The following DNAH10 variants were observed in gnomAD, a reference collection of about 807,000 sequenced individuals.
DNAH10 encodes axonemal beta dynein heavy chain 10.
A neutral mutation model predicts 506.6 loss-of-function variants in DNAH10; 348 were observed. The observed-to-expected ratio is 0.69, with a 90% CI of 0.63 to 0.75. The LOEUF is 0.75. DNAH10 is among the 30% of genes least tolerant of loss of function. The pLI is 0.00. For missense variants in DNAH10, 5,179 were observed against 5,787.1 expected (o/e 0.89, Z 3.41); for synonymous variants, 2,059 against 2,198.6 (o/e 0.94, Z 1.78).
rs373436458 is a variant in DNAH10 at position 123,799,385 on chromosome 12, G to A, written c.2289+14G>A. Reference sequence around the variant, plus strand: ...CTTTTGACCAAGGTGCGCTGCCCACGCCCTCATTCCCGATTGCCGCGTGAG... The same window carrying A: ...CTTTTGACCAAGGTGCGCTGCCCACACCCTCATTCCCGATTGCCGCGTGAG... On this transcript the variant is annotated intron_variant, in intron 14 of 78. Transcript: ENST00000673944. 117 of 1,606,578 alleles carry A rather than the reference G, an allele frequency of 7.3e-5. No homozygotes were observed. The African/African-American group carries it at 1.1e-3, about 15-fold the overall frequency.
chr12:123,786,184 G>A (rs894707335), intron 9 of DNAH10, among the ~76,000 whole-genome samples: 9 of 151,884 alleles, frequency 5.9e-5, no homozygotes, highest in Non-Finnish European at 1.0e-4. Flanking sequence ...AACCCCATGC[G>A]TGGTGGGCTG....
Position 123,774,259 on chromosome 12 carries a change from T to G in DNAH10, c.616T>G (p.Cys206Gly). The change falls in exon 5 of 79, where the codon TGT becomes GGT. Residue 206 changes from cysteine to glycine, a missense_variant. Transcript: ENST00000673944. ...NVLHFLKNII[C>G]QVFLPALSFN... Reference sequence around the variant, plus strand: ...GCTCCATTTTCTGAAGAATATTATATGTCAGGTAAACATGGAGAAAGGAAG... The same window carrying G: ...GCTCCATTTTCTGAAGAATATTATAGGTCAGGTAAACATGGAGAAAGGAAG... 1 of 1,586,508 alleles carries G rather than the reference T, an allele frequency of 6.3e-7. No homozygotes were observed. The highest frequency in any genetic ancestry group is 8.6e-7 in the Non-Finnish European group (1 of 1,166,668).
chr12:123,852,280 C>T (rs1362643090), intron 35 of DNAH10, among the ~76,000 whole-genome samples: 1 of 152,180 alleles, frequency 6.6e-6, no homozygotes, highest in African/African-American at 2.4e-5. Flanking sequence ...TAACTTTTAT[C>T]CTCTTTTAAG....
chr12:123,771,526 A>G lies in DNAH10; in HGVS notation c.299-75A>G, dbSNP rs1329387727. On this transcript the variant is annotated intron_variant, in intron 2 of 78. Transcript: ENST00000673944. ...TTGAATGAAATGTACTGGTGCACAA[A>G]ATGCAGGGCTGCTCTTGATGGTAGG... 28 of 1,240,878 alleles carry G rather than the reference A, an allele frequency of 2.3e-5. 1 individual carries two copies. In the Admixed American group the frequency reaches 5.5e-4, roughly 24 times the overall value. 76.9% of individuals were successfully genotyped at this position (1,240,878 alleles called of 1,614,324 possible).
chr12:123,910,077 C>T (rs936343780), intron 58 of DNAH10, among the ~76,000 whole-genome samples: 1 of 152,176 alleles, frequency 6.6e-6, no homozygotes. Context: ...TTTTTCTTAG[C>T]CCCTTAAAAA....
At chr12:123,930,340 C>A in intron 72 of DNAH10, 62 bp from the exon 73 acceptor site, 4 of 1,417,628 alleles carry the variant, frequency 2.8e-6, no homozygotes, top group Non-Finnish European at 3.7e-6. Flanking sequence ...TGGCCCCGGG[C>A]CCCCAGGGTG....
At chr12:123,830,744 T>C (rs1960457620) in intron 26 of DNAH10, 45 bp downstream of exon 26, 1 of 1,532,630 alleles carries the variant, frequency 6.5e-7, no homozygotes, top group Non-Finnish European at 8.8e-7. Context: ...AGTCTTTTTT[T>C]AATTCAAAGA....
At chr12:123,781,584 G>GC (rs1397803187) in intron 6 of DNAH10, among the ~76,000 whole-genome samples, 1 of 151,980 alleles carries the variant, frequency 6.6e-6, no homozygotes, top group Non-Finnish European at 1.5e-5. Context: ...TCCTGCCTCA[G>GC]CCCCCCGAGT....
chr12:123,875,026 T>TTTC (rs1952195662), intron 46 of DNAH10, among the ~76,000 whole-genome samples: 1 of 152,182 alleles, frequency 6.6e-6, no homozygotes, highest in Non-Finnish European at 1.5e-5. Flanking sequence ...GAAGCTGTAG[T>TTTC]ATCGTAAGGG....
At chr12:123,931,044 A>G (rs1955181122) in intron 73 of DNAH10, among the ~76,000 whole-genome samples, 1 of 152,042 alleles carries the variant, frequency 6.6e-6, no homozygotes, top group Non-Finnish European at 1.5e-5. Context: ...AAATCAAAAC[A>G]AAAAAACAAA....
Position 123,818,977 on chromosome 12 carries a change from G to T in DNAH10, c.3808G>T (p.Asp1270Tyr). 2 of 1,605,994 alleles carry T rather than the reference G, an allele frequency of 1.2e-6. No individual in the cohort carries two copies. Among genetic ancestry groups the T allele is most frequent in the South Asian group, 2.2e-5 (2 of 88,960 alleles). ...TCCTGATGCAGAGAAAGAACTGGTT[G>T]ATAAGATTGAGAGCATATGGTCCAA... ...FPPDAEKELV[D>Y]KIESIWSNLF... Residue 1270 changes from aspartate (D) to tyrosine (Y), a missense_variant, in exon 22 of 79, where the codon GAT becomes TAT. Coordinates refer to ENST00000673944, the MANE Select transcript of DNAH10 (RefSeq NM_001372106.1).
chr12:123,773,665 A>C (rs957568826), intron 4 of DNAH10, among the ~76,000 whole-genome samples: 1 of 152,202 alleles, frequency 6.6e-6, no homozygotes, highest in African/African-American at 2.4e-5. Flanking sequence ...AGAGAGAGAG[A>C]GAGCAAGCTC....
At chr12:123,887,067 C>T (rs117282643) in intron 51 of DNAH10, 75 bp from the exon 52 acceptor site, 84,735 of 1,490,942 alleles carry the variant, frequency 0.057, 2,689 homozygotes, top group Non-Finnish European at 0.065. Flanking sequence ...TCTCCTCCAG[C>T]GTCCCCACCC....
intron 10 of DNAH10, among the ~76,000 whole-genome samples, chr12:123,788,848 C>T (rs1957965796): frequency 1.3e-5 from 1 of 75,244 alleles, no homozygotes; most frequent in Admixed American, 1.4e-4. Context: ...TTGGCTTGAG[C>T]CTGGGAGGTT....
intron 30 of DNAH10, among the ~76,000 whole-genome samples, chr12:123,841,829 T>C (rs565350590): frequency 6.6e-6 from 1 of 152,216 alleles, no homozygotes; most frequent in Admixed American, 6.5e-5. Context: ...GGGACTACAG[T>C]TGTGCACTAC....
chr12:123,910,802 C>T, intron 59 of DNAH10, 130 bp downstream of exon 59: 2 of 1,222,062 alleles, frequency 1.6e-6, no homozygotes, highest in East Asian at 2.5e-5. Context: ...ACTTTCCCTC[C>T]ACCACCCAAT....
At chr12:123,893,620 G>C (rs1041009218) in intron 53 of DNAH10, among the ~76,000 whole-genome samples, 184 bp downstream of exon 53, 2 of 152,252 alleles carry the variant, frequency 1.3e-5, no homozygotes, top group African/African-American at 4.8e-5. Context: ...GTGGGCGTGA[G>C]TGATGTCCCT....
At chr12:123,819,318 G>T (rs576239421) in intron 23 of DNAH10, 68 bp downstream of exon 23, 1 of 1,161,296 alleles carries the variant, frequency 8.6e-7, no homozygotes, top group Non-Finnish European at 1.3e-6. Flanking sequence ...TTTTGCTTAA[G>T]AGTTTTATGG....
At chr12:123,809,680 T>C (rs1276323232) in intron 19 of DNAH10, among the ~76,000 whole-genome samples, 1 of 117,690 alleles carries the variant, frequency 8.5e-6, no homozygotes, top group Non-Finnish European at 1.7e-5. Flanking sequence ...AACAACAACA[T>C]ATCATTTCGT....
Sources: gnomAD v4.1 joint callset for allele counts (sites outside exome capture counted in the v4.1 genomes callset) on GRCh38, gnomAD v4.1.1 for gene constraint, MANE v1.5 for transcripts, NCBI Gene and HGNC (gene_info 2026-07-23, HGNC 2026-07-21) for gene names.